Variants in THADA observed in about 807,000 individuals in gnomAD.
The protein encoded by THADA is tRNA (32-2'-O)-methyltransferase regulator THADA.
Under a neutral mutation model 219.8 loss-of-function variants are expected in THADA, and 213 were observed. The observed-to-expected ratio is 0.97, with a 90% CI of 0.87 to 1.09. The LOEUF (loss-of-function observed/expected upper bound fraction) is 1.09, where lower values mean the gene tolerates loss of function less well. Ranked by LOEUF, THADA falls within the 50% of genes least tolerant of loss-of-function variation. The probability of loss-of-function intolerance (pLI) is 0.00; values close to 1 mark genes in which losing one functional copy is unlikely to be tolerated. For missense variants in THADA, 2,956 were observed against 2,311.3 expected, an observed-to-expected ratio of 1.28 and a Z score of -5.72; for synonymous variants, 1,018 against 828.9, an observed-to-expected ratio of 1.23 and a Z score of -3.92.
At chr2:43,297,781 C>T (rs1476296196) in intron 31 of THADA, among the ~76,000 whole-genome samples, 1 of 97,744 alleles carries the variant, frequency 1.0e-5, no homozygotes, top group Non-Finnish European at 2.0e-5. Flanking sequence ...GTGGGGGGGT[C>T]GGCCCCCCGC....
intron 36 of THADA, among the ~76,000 whole-genome samples, chr2:43,258,553 T>C (rs1670579204): frequency 6.6e-6 from 1 of 152,084 alleles, no homozygotes; most frequent in African/African-American, 2.4e-5. Flanking sequence ...AAAATAAAAA[T>C]AAAAATTATT....
intron 28 of THADA, among the ~76,000 whole-genome samples, chr2:43,418,153 A>G (rs894500530): frequency 2.0e-5 from 3 of 152,202 alleles, no homozygotes; most frequent in African/African-American, 7.2e-5. Context: ...TGAGTGAATG[A>G]ATAAATGAAT....
At chr2:43,373,532 A>G (rs999611355) in intron 29 of THADA, among the ~76,000 whole-genome samples, 1 of 151,930 alleles carries the variant, frequency 6.6e-6, no homozygotes, top group Non-Finnish European at 1.5e-5. Flanking sequence ...CTTGGAGTAC[A>G]GTGGCACGAT....
chr2:43,239,859 C>G (rs529572070), intron 36 of THADA, among the ~76,000 whole-genome samples: 1 of 152,064 alleles, frequency 6.6e-6, no homozygotes, highest in Admixed American at 6.5e-5. Flanking sequence ...CACCCATCCA[C>G]CCACTCACCC....
intron 29 of THADA, among the ~76,000 whole-genome samples, chr2:43,390,278 T>G (rs1271229512): frequency 6.6e-6 from 1 of 152,120 alleles, no homozygotes; most frequent in Non-Finnish European, 1.5e-5. Flanking sequence ...AGGGAGCTCT[T>G]AAGTTTCTAA....
chr2:43,285,430 G>A (rs1295694380), intron 35 of THADA, among the ~76,000 whole-genome samples: 2 of 152,182 alleles, frequency 1.3e-5, no homozygotes, highest in Admixed American at 6.5e-5. Context: ...ACCATGTGAA[G>A]AAGGTGTTTG....
intron 21 of THADA, among the ~76,000 whole-genome samples, chr2:43,529,182 T>C (rs1470983503): frequency 6.6e-6 from 1 of 152,114 alleles, no homozygotes; most frequent in Middle Eastern, 3.4e-3. Flanking sequence ...GGGTCTGGTC[T>C]TGCTTTATCA....
rs1306388427 is a variant in THADA, at chr2:43,508,647, C to A, written c.3507+1G>T. ...ACAGCTAGGGTCCTACAGATAAATA[C>A]CTGTATGTAGAAAGGAATTCCAGCA... On this transcript the variant is annotated splice_donor_variant, in intron 23 of 37. Transcript: ENST00000405975. LOFTEE classifies it high-confidence loss of function. 5.6e-6 allele frequency: 9 copies of A among 1,612,264 alleles called. No individual in the cohort carries two copies. Among genetic ancestry groups the A allele is most frequent in the South Asian group, 3.3e-5 (3 of 90,852 alleles).
intron 20 of THADA, among the ~76,000 whole-genome samples, chr2:43,545,315 G>T (rs1306991528): frequency 6.6e-6 from 1 of 151,728 alleles, no homozygotes; most frequent in Non-Finnish European, 1.5e-5. Context: ...TGTTCATCAA[G>T]GATATTGGTC....
At chr2:43,279,210 G>C (rs1406209786) in intron 36 of THADA, among the ~76,000 whole-genome samples, 1 of 152,148 alleles carries the variant, frequency 6.6e-6, no homozygotes, top group Non-Finnish European at 1.5e-5. Context: ...GCGACCTCAG[G>C]ACTACCCAGC....
At chr2:43,427,610 A>G (rs988419141) in intron 28 of THADA, among the ~76,000 whole-genome samples, 10 of 148,462 alleles carry the variant, frequency 6.7e-5, no homozygotes, top group Non-Finnish European at 8.9e-5. Context: ...TATATATAAT[A>G]GTTATATATA....
rs140738554 is a variant in THADA, at chr2:43,251,276, A to G, written c.5297-18394T>C. On this transcript the variant is annotated intron_variant, in intron 36 of 37. Transcript: ENST00000405975. Reference sequence around the variant, plus strand: ...CTCTTTACCTAAATTACACAGAACCACTCGTCTGGTTTCCATTTCACTGCC... The same window carrying G: ...CTCTTTACCTAAATTACACAGAACCGCTCGTCTGGTTTCCATTTCACTGCC... 2.1e-3 allele frequency among the ~76,000 whole-genome samples: 315 copies of G among 151,850 alleles called. 2 individuals are homozygous for G. The highest frequency in any genetic ancestry group is 7.4e-3 in the African/African-American group (307 of 41,364).
intron 26 of THADA, among the ~76,000 whole-genome samples, chr2:43,432,145 C>T (rs1451992786): frequency 2.2e-5 from 3 of 136,448 alleles, no homozygotes; most frequent in Admixed American, 7.0e-5. Flanking sequence ...CGTGAGCCAC[C>T]GCGCCCGGCC....
intron 29 of THADA, among the ~76,000 whole-genome samples, chr2:43,372,433 A>C (rs2104626273): frequency 6.6e-6 from 1 of 152,316 alleles, no homozygotes; most frequent in African/African-American, 2.4e-5. Flanking sequence ...AATTCAAATT[A>C]ATGAGATTTC....
intron 26 of THADA, among the ~76,000 whole-genome samples, chr2:43,459,031 TCAAA>T (rs978742012): frequency 4.6e-5 from 7 of 152,306 alleles, no homozygotes; most frequent in Non-Finnish European, 8.8e-5. Context: ...ACAAAATTAT[TCAAA>T]CAAACAGATC....
chr2:43,241,921 A>T (rs2104067145), intron 36 of THADA, among the ~76,000 whole-genome samples: 1 of 151,478 alleles, frequency 6.6e-6, no homozygotes, highest in East Asian at 1.9e-4. Flanking sequence ...CCTCAACCAA[A>T]CCTCATCTCA....
intron 31 of THADA, among the ~76,000 whole-genome samples, chr2:43,299,977 G>A (rs78857383): frequency 0.045 from 6,495 of 145,506 alleles, 439 homozygotes; most frequent in African/African-American, 0.15. Flanking sequence ...GCAGTGAGCC[G>A]AGATTGTGCC....
At chr2:43,562,812 C>G (rs776395812) in intron 15 of THADA, 2 of 152,178 alleles carry the variant, frequency 1.3e-5, no homozygotes, top group Non-Finnish European at 2.9e-5. Context: ...TGTCATGTTT[C>G]TAGAAACTTG....
chr2:43,288,009 C>T (rs1674245897), intron 34 of THADA, among the ~76,000 whole-genome samples: 1 of 152,196 alleles, frequency 6.6e-6, no homozygotes, highest in South Asian at 2.1e-4. Flanking sequence ...GTGTTTAGGA[C>T]AGCAGAACAA....
Sources: allele counts gnomAD v4.1 joint callset (sites outside exome capture counted in the v4.1 genomes callset), GRCh38; gene constraint gnomAD v4.1.1; transcripts MANE v1.5; gene names NCBI Gene and HGNC (gene_info 2026-07-23, HGNC 2026-07-21).